Variants in XKR9 observed in about 807,000 individuals in gnomAD.
XKR9 encodes XK related 9.
Under a neutral mutation model 32.0 loss-of-function variants are expected in XKR9, and 32 were observed. The ratio of observed to expected loss-of-function variants is 1.00; its 90% CI spans 0.76 to 1.34. The LOEUF is 1.34. XKR9 is among the 40% of genes most tolerant of loss of function. The probability of loss-of-function intolerance (pLI) is 0.00; values close to 1 mark genes in which losing one functional copy is unlikely to be tolerated. For missense variants in XKR9, 546 were observed against 429.7 expected, an observed-to-expected ratio of 1.27 and a Z score of -2.39; for synonymous variants, 168 against 143.4, an observed-to-expected ratio of 1.17 and a Z score of -1.22.
chr8:70,916,239 C>T, the XKR9 span, among the ~76,000 whole-genome samples: 1 of 152,304 alleles, frequency 6.6e-6, no homozygotes, highest in East Asian at 1.9e-4. Context: ...TAATTATCCT[C>T]CTGCAATTTT....
At chr8:70,821,266 C>CA in the XKR9 span, among the ~76,000 whole-genome samples, 1 of 152,382 alleles carries the variant, frequency 6.6e-6, no homozygotes, top group East Asian at 1.9e-4. Flanking sequence ...ACATCCAGGT[C>CA]ACACTGATGC....
At chr8:70,825,588 C>G in the XKR9 span, among the ~76,000 whole-genome samples, 1 of 152,112 alleles carries the variant, frequency 6.6e-6, no homozygotes, top group South Asian at 2.1e-4. Flanking sequence ...CCTTACTTCT[C>G]TCTTCAGCTC....
chr8:71,039,380 CA>C, the XKR9 span, among the ~76,000 whole-genome samples: 29 of 152,228 alleles, frequency 1.9e-4, no homozygotes, highest in Non-Finnish European at 3.4e-4. Context: ...TACAGTTGGG[CA>C]AAATCATCTA....
chr8:70,920,418 A>G, the XKR9 span, among the ~76,000 whole-genome samples: 2 of 152,196 alleles, frequency 1.3e-5, no homozygotes, highest in African/African-American at 4.8e-5. Flanking sequence ...TTTAACTTTC[A>G]TTACGATTTT....
chr8:70,812,848 G>T, the XKR9 span, among the ~76,000 whole-genome samples: 1 of 152,158 alleles, frequency 6.6e-6, no homozygotes, highest in Non-Finnish European at 1.5e-5. Context: ...AATCAATATC[G>T]TGAAAATGGC....
At chr8:70,999,014 C>G in the XKR9 span, among the ~76,000 whole-genome samples, 1 of 152,128 alleles carries the variant, frequency 6.6e-6, no homozygotes, top group Admixed American at 6.6e-5. Flanking sequence ...ATCCATGGAA[C>G]AGATATGGAG....
the XKR9 span, among the ~76,000 whole-genome samples, chr8:70,952,830 C>A: frequency 5.3e-5 from 8 of 152,216 alleles, no homozygotes; most frequent in African/African-American, 1.7e-4. Context: ...CACCACTAAC[C>A]ACTGCTACTC....
intron 2 of XKR9, among the ~76,000 whole-genome samples, chr8:70,756,701 A>G (rs1807231217): frequency 6.6e-6 from 1 of 152,222 alleles, no homozygotes; most frequent in Non-Finnish European, 1.5e-5. Flanking sequence ...ATTTTTGTAT[A>G]TTAATCTTGA....
chr8:71,028,811 C>T, the XKR9 span, among the ~76,000 whole-genome samples: 1 of 151,726 alleles, frequency 6.6e-6, no homozygotes, highest in African/African-American at 2.4e-5. Flanking sequence ...TATTAATATA[C>T]CTAATACTAT....
the XKR9 span, among the ~76,000 whole-genome samples, chr8:70,967,073 T>G: frequency 7.1e-6 from 1 of 140,270 alleles, no homozygotes; most frequent in Non-Finnish European, 1.6e-5. Context: ...CTCTTTTTTT[T>G]TTTTTTTGAG....
chr8:70,845,698 A>G, the XKR9 span, among the ~76,000 whole-genome samples: 1 of 152,156 alleles, frequency 6.6e-6, no homozygotes, highest in Non-Finnish European at 1.5e-5. Context: ...GAAGAAGCAA[A>G]TTCAGAATGC....
chr8:70,777,640 A>T (rs971567483), intron 2 of XKR9, among the ~76,000 whole-genome samples: 3 of 152,126 alleles, frequency 2.0e-5, no homozygotes, highest in African/African-American at 7.2e-5. Context: ...TTTTTTAATG[A>T]TTGCTATTCT....
the XKR9 span, among the ~76,000 whole-genome samples, chr8:70,814,477 C>T: frequency 6.6e-6 from 1 of 151,140 alleles, no homozygotes; most frequent in Non-Finnish European, 1.5e-5. Context: ...ATAAATTATA[C>T]CTGAGAAGCA....
chr8:70,816,477 C>G, the XKR9 span, among the ~76,000 whole-genome samples: 1 of 152,122 alleles, frequency 6.6e-6, no homozygotes, highest in Non-Finnish European at 1.5e-5. Context: ...AACAAAGATA[C>G]AGAATCAACC....
At chr8:70,977,451 T>C in the XKR9 span, among the ~76,000 whole-genome samples, 3 of 152,206 alleles carry the variant, frequency 2.0e-5, no homozygotes, top group African/African-American at 4.8e-5. Context: ...CGTTGTGTCT[T>C]TGTTCTCATG....
chr8:71,007,623 T>C, the XKR9 span, among the ~76,000 whole-genome samples: 16 of 151,778 alleles, frequency 1.1e-4, no homozygotes, highest in Non-Finnish European at 2.2e-4. Flanking sequence ...AACTAGAGAA[T>C]TTGAGAAATA....
chr8:70,819,431 G>C, the XKR9 span, among the ~76,000 whole-genome samples: 1 of 152,180 alleles, frequency 6.6e-6, no homozygotes, highest in Non-Finnish European at 1.5e-5. Flanking sequence ...TGAGGGATGA[G>C]ACTGTGTTTC....
intron 2 of XKR9, among the ~76,000 whole-genome samples, chr8:70,741,013 C>T (rs968552022): frequency 1.3e-5 from 2 of 152,234 alleles, no homozygotes; most frequent in Non-Finnish European, 2.9e-5. Context: ...CAGACAGGGA[C>T]ATTGAAGTCT....
At chr8:70,685,147 A>G (rs1197745341) in intron 3 of XKR9, among the ~76,000 whole-genome samples, 1 of 152,076 alleles carries the variant, frequency 6.6e-6, no homozygotes, top group East Asian at 1.9e-4. Context: ...CATATACACC[A>G]TGGAATACTA....
Sources: allele counts gnomAD v4.1 joint callset (sites outside exome capture counted in the v4.1 genomes callset), GRCh38; gene constraint gnomAD v4.1.1; transcripts MANE v1.5; gene names NCBI Gene and HGNC (gene_info 2026-07-23, HGNC 2026-07-21).